CHRDL1: variants seen among roughly 807,000 people sequenced by gnomAD.
CHRDL1 encodes the protein chordin-like protein 1.
CHRDL1 carries 19 observed loss-of-function variants against 40.9 expected under a neutral mutation model. The observed-to-expected ratio is 0.46, with a 90% CI of 0.32 to 0.68. The LOEUF (loss-of-function observed/expected upper bound fraction) is 0.68. CHRDL1 is among the 30% of genes least tolerant of loss of function. CHRDL1 has a pLI of 0.03. For missense variants in CHRDL1, 329 were observed against 352.1 expected (o/e 0.93, Z 0.53); for synonymous variants, 136 against 123.4 (o/e 1.10, Z -0.68).
intron 6 of CHRDL1, among the ~76,000 whole-genome samples, chrX:110,715,745 C>A (rs934527079): frequency 5.4e-5 from 6 of 112,073 alleles, no homozygotes; most frequent in African/African-American, 1.9e-4. Flanking sequence ...ATCCTTTTCC[C>A]CAAAGGGAAT....
intron 4 of CHRDL1, among the ~76,000 whole-genome samples, chrX:110,730,451 T>C (rs748605947): frequency 3.9e-4 from 44 of 111,800 alleles, no homozygotes; most frequent in Non-Finnish European, 6.8e-4. Flanking sequence ...TTTGGACTTA[T>C]TGAGCACCCC....
chrX:110,751,488 T>C (rs1214502307), intron 4 of CHRDL1, among the ~76,000 whole-genome samples: 1 of 112,032 alleles, frequency 8.9e-6, no homozygotes, highest in African/African-American at 3.2e-5. Flanking sequence ...GTATCAAGGC[T>C]CTGTCATATA....
rs749925424 is a variant in CHRDL1, at chrX:110,747,200, A to G, written c.301+12461T>C. Among the ~76,000 whole-genome samples, 26 of 110,907 alleles carry G rather than the reference A, an allele frequency of 2.3e-4. No homozygotes were observed. The South Asian group carries it at 0.01, about 43-fold the overall frequency. On this transcript the variant is annotated intron_variant, in intron 4 of 11. Coordinates refer to ENST00000372042, the MANE Select transcript of CHRDL1 (RefSeq NM_001143981.2). ...ATGCCCTCTGGCCCTCTGGTCAGTG[A>G]TAAAATCCTGGAGCCAGATGGCTTC...
chrX:110,682,781 T>C (rs1422033376), intron 9 of CHRDL1, among the ~76,000 whole-genome samples: 1 of 111,986 alleles, frequency 8.9e-6, no homozygotes, highest in African/African-American at 3.2e-5. Flanking sequence ...GACAAAACCA[T>C]AGTCTTCTCT....
intron 4 of CHRDL1, among the ~76,000 whole-genome samples, chrX:110,754,604 A>G (rs1202931673): frequency 8.9e-6 from 1 of 111,848 alleles, no homozygotes; most frequent in African/African-American, 3.2e-5. Flanking sequence ...TCCCTAACCT[A>G]CCTTGAATAT....
intron 4 of CHRDL1, among the ~76,000 whole-genome samples, chrX:110,736,399 A>C (rs1241106521): frequency 8.9e-6 from 1 of 112,248 alleles, no homozygotes; most frequent in East Asian, 2.8e-4. Context: ...AAAAGTAAAA[A>C]TATGTCAAAT....
intron 11 of CHRDL1, among the ~76,000 whole-genome samples, chrX:110,678,246 T>C (rs190348704): frequency 1.2e-4 from 13 of 112,309 alleles, no homozygotes; most frequent in African/African-American, 3.6e-4. Context: ...GTGTGCTTAA[T>C]GTAATATATG....
intron 4 of CHRDL1, among the ~76,000 whole-genome samples, chrX:110,732,057 C>A (rs1295375983): frequency 1.8e-5 from 2 of 109,249 alleles, no homozygotes; most frequent in African/African-American, 6.7e-5. Context: ...GACTGGGTAT[C>A]AGAGCGGAGC....
chrX:110,766,697 T>C (rs2089668127), intron 2 of CHRDL1, among the ~76,000 whole-genome samples: 2 of 16,279 alleles, frequency 1.2e-4, no homozygotes, highest in Admixed American at 2.0e-3. Context: ...AATGGTAATT[T>C]AAAAATTACC....
At chrX:110,759,595 A>T in intron 4 of CHRDL1, 66 bp downstream of exon 4, 1 of 757,697 alleles carries the variant, frequency 1.3e-6, no homozygotes, top group Non-Finnish European at 2.1e-6. Flanking sequence ...TATGGAGATG[A>T]GTTGAGTTGG....
intron 2 of CHRDL1, among the ~76,000 whole-genome samples, chrX:110,791,469 A>G (rs997053625): frequency 1.8e-5 from 2 of 111,391 alleles, no homozygotes; most frequent in African/African-American, 6.5e-5. Flanking sequence ...GCTTTCTCCA[A>G]TGTGTTAGCC....
At chrX:110,714,270 G>GA (rs200211212) in intron 6 of CHRDL1, among the ~76,000 whole-genome samples, 4 of 107,652 alleles carry the variant, frequency 3.7e-5, no homozygotes, top group Non-Finnish European at 5.8e-5. Context: ...AGTATTTGGG[G>GA]AAAAAAAAAG....
At chrX:110,786,058 G>C (rs6642802) in intron 2 of CHRDL1, among the ~76,000 whole-genome samples, 1 of 112,031 alleles carries the variant, frequency 8.9e-6, no homozygotes, top group Non-Finnish European at 1.9e-5. Flanking sequence ...AGGTTACCCA[G>C]AATGTGCCTT....
At position 110,762,672 on chromosome X, in the gene CHRDL1, T is replaced by A. The variant is rs547891399; in HGVS notation, c.207+23A>T. 3.6e-4 allele frequency: 331 copies of A among 921,285 alleles called. 2 individuals are homozygous for A. The South Asian group carries it at 6.5e-3, about 18-fold the overall frequency. The allele number at this position is 921,285 out of a possible 1,213,427, so 75.9% of individuals were successfully genotyped here. A position where few individuals can be genotyped will look rare whatever the true frequency, so the allele number is the denominator to read the frequency against. On this transcript the variant is annotated intron_variant, in intron 3 of 11. Transcript: ENST00000372042. Reference sequence around the variant, plus strand: ...GCATGCTGAGGAGCAAACTGGGAAATCACATGTCATGAGAGATTGTACCTC... The same window carrying A: ...GCATGCTGAGGAGCAAACTGGGAAAACACATGTCATGAGAGATTGTACCTC...
At chrX:110,773,186 T>A (rs914147240) in intron 2 of CHRDL1, among the ~76,000 whole-genome samples, 5 of 112,491 alleles carry the variant, frequency 4.4e-5, no homozygotes, top group Admixed American at 2.8e-4. Flanking sequence ...TCAGTTTAAA[T>A]CTTTCCACTT....
chrX:110,774,227 T>C lies in CHRDL1; in HGVS notation c.95-11420A>G, dbSNP rs183889099. ...TGATTAGAGCTAGCACAGTATATAT[T>C]GTTCCATTCCTTTACTTTTAACCCA... On this transcript the variant is annotated intron_variant, in intron 2 of 11. Transcript: ENST00000372042. 1.3e-4 allele frequency among the ~76,000 whole-genome samples: 15 copies of C among 112,179 alleles called. No homozygotes were observed. In the East Asian group the frequency reaches 4.2e-3, roughly 31 times the overall value.
At chrX:110,685,886 ATTTTTTT>A (rs72389100) in intron 9 of CHRDL1, among the ~76,000 whole-genome samples, 1 of 82,807 alleles carries the variant, frequency 1.2e-5, no homozygotes, top group Non-Finnish European at 2.3e-5. Context: ...TTTTTAGCCA[ATTTTTTT>A]TTTTTTTTTT....
rs751935122 is a variant in CHRDL1, at chrX:110,792,202, A to T, written c.-21T>A. 2.1e-4 allele frequency: 205 copies of T among 973,253 alleles called. No individual in the cohort carries two copies. In the South Asian group the frequency reaches 4.2e-3, roughly 20 times the overall value. The allele number at this position is 973,253 out of a possible 1,213,427, so 80.2% of individuals were successfully genotyped here. A position where few individuals can be genotyped will look rare whatever the true frequency, so the allele number is the denominator to read the frequency against. Reference sequence around the variant, plus strand: ...CTCATTTGGACCACTGCAAAAGGTGACAGAACCTTCAAGCTGTTGGGAAGA... The same window carrying T: ...CTCATTTGGACCACTGCAAAAGGTGTCAGAACCTTCAAGCTGTTGGGAAGA... On this transcript the variant is annotated 5_prime_UTR_variant, in exon 2 of 12. Coordinates refer to ENST00000372042, the MANE Select transcript of CHRDL1 (RefSeq NM_001143981.2).
chrX:110,750,424 C>G (rs965896926), intron 4 of CHRDL1, among the ~76,000 whole-genome samples: 2 of 110,992 alleles, frequency 1.8e-5, no homozygotes, highest in Admixed American at 1.9e-4. Context: ...AAGAAGAAAA[C>G]AGGCCCTGGT....
Sources: gnomAD v4.1 joint callset for allele counts (sites outside exome capture counted in the v4.1 genomes callset) on GRCh38, gnomAD v4.1.1 for gene constraint, MANE v1.5 for transcripts, NCBI Gene and HGNC (gene_info 2026-07-23, HGNC 2026-07-21) for gene names.